The following COL18A1 variants were observed in gnomAD, a reference collection of about 807,000 sequenced individuals.
The protein encoded by COL18A1 is collagen alpha-1(XVIII) chain.
COL18A1 carries 133 observed loss-of-function variants against 168.0 expected under a neutral mutation model. That is an observed-to-expected ratio of 0.79 (90% CI 0.69 to 0.91). The LOEUF (loss-of-function observed/expected upper bound fraction) is 0.91, where lower values mean the gene tolerates loss of function less well. Among genes scored for constraint, COL18A1 ranks in the 40% least tolerant of loss-of-function variants. The pLI, the probability that COL18A1 is intolerant of heterozygous loss-of-function variation, is 0.00. For missense variants in COL18A1, 2,126 were observed against 1,925.4 expected, an observed-to-expected ratio of 1.10 and a Z score of -1.95; for synonymous variants, 949 against 809.0, an observed-to-expected ratio of 1.17 and a Z score of -2.94.
chr21:45,405,365 C>T lies in COL18A1; in HGVS notation c.12-14C>T. 2 of 1,085,402 alleles carry T rather than the reference C, an allele frequency of 1.8e-6. No individual in the cohort carries two copies. Among genetic ancestry groups the T allele is most frequent in the Non-Finnish European group, 2.2e-6 (2 of 907,094 alleles). 67.2% of individuals were successfully genotyped at this position (1,085,402 alleles called of 1,614,324 possible). On this transcript the variant is annotated splice_polypyrimidine_tract_variant and intron_variant, in intron 1 of 41. Transcript: ENST00000651438. ...GGGGTCCTGCGGGGTCTGACCCGTG[C>T]CTGTCCCGCGCAGGTGCCCCTGGCC...
At chr21:45,445,857 C>G (rs1426104453) in intron 2 of COL18A1, among the ~76,000 whole-genome samples, 2 of 152,208 alleles carry the variant, frequency 1.3e-5, no homozygotes, top group Non-Finnish European at 2.9e-5. Context: ...TGCTTCCTCA[C>G]ATATATGATT....
In COL18A1 at chr21:45,480,051, G is replaced by T; in HGVS notation, c.1312-19G>T. The T allele has an allele frequency of 6.2e-7, 1 of 1,611,666 alleles. No individual in the cohort carries two copies. ...TGTGTGCGTGCCCAGGGTATGATAG[G>T]CTTGTCTTGTGTTCCCAGGGAGACC... On this transcript the variant is annotated intron_variant, in intron 10 of 41. Transcript: ENST00000651438.
chr21:45,437,859 C>G (rs1273984172), intron 2 of COL18A1, among the ~76,000 whole-genome samples: 2 of 70,138 alleles, frequency 2.9e-5, no homozygotes, highest in Non-Finnish European at 4.9e-5. Context: ...CACACTCACA[C>G]TCACACTCAG....
Position 45,468,338 on chromosome 21 carries a change from A to G in COL18A1, c.203A>G (p.Tyr68Cys). ...GATGACCCCGACGTCGGGCTGGCCT[A>G]CGTCTTTGGGCCAGATGCCAACAGT... is the stretch of plus-strand genomic sequence containing the variant. ...QTDDPDVGLA[Y>C]VFGPDANSGQ... is the part of the protein sequence containing the mutation. Residue 68 changes from tyrosine (Y) to cysteine (C), a missense_variant, in exon 3 of 42, where the codon TAC becomes TGC. Transcript: ENST00000651438. 6.2e-7 allele frequency: 1 copy of G among 1,613,588 alleles called. No individual in the cohort carries two copies. Among genetic ancestry groups the G allele is most frequent in the Non-Finnish European group, 8.5e-7 (1 of 1,180,030 alleles).
In COL18A1 at chr21:45,490,816, T is replaced by C. The variant is rs140997878; in HGVS notation, c.2032-20T>C. ...TCCTGTTTCTGTTGGTGATGAACCA[T>C]TTCCTTCCTGTCTCTCCAGGGGCCA... On this transcript the variant is annotated intron_variant, in intron 20 of 41. Coordinates refer to ENST00000651438, the MANE Select transcript of COL18A1 (RefSeq NM_001379500.1). 941 of 1,549,754 alleles carry C rather than the reference T, an allele frequency of 6.1e-4. 3 individuals carry two copies. Among genetic ancestry groups the C allele is most frequent in the Non-Finnish European group, 7.5e-4 (863 of 1,146,518 alleles).
rs773887057 is a variant in COL18A1, at chr21:45,490,437, C to CGTGGGT, written c.2031+91_2031+92insGTGGGT. 0.081 allele frequency: 91,914 copies of CGTGGGT among 1,140,550 alleles called. 10,062 individuals are homozygous for CGTGGGT. The highest frequency in any genetic ancestry group is 0.12 in the Admixed American group (6,012 of 48,512). The allele number at this position is 1,140,550 out of a possible 1,614,324, so 70.7% of individuals were successfully genotyped here. A position where few individuals can be genotyped will look rare whatever the true frequency, so the allele number is the denominator to read the frequency against. On this transcript the variant is annotated intron_variant, in intron 20 of 41. Transcript: ENST00000651438. ...TGAAAGCTGGCACGAGATGTGCCCT[C>CGTGGGT]CCGGGTCCCTGGGTCTCCATGTGCC...
intron 2 of COL18A1, among the ~76,000 whole-genome samples, chr21:45,409,219 C>T (rs2033215248): frequency 6.6e-6 from 1 of 152,184 alleles, no homozygotes; most frequent in Admixed American, 6.5e-5. Flanking sequence ...CCAGGCCCAA[C>T]CCCACAGCGA....
chr21:45,418,565 CG>C (rs2033516334), intron 2 of COL18A1, among the ~76,000 whole-genome samples: 1 of 152,080 alleles, frequency 6.6e-6, no homozygotes, highest in Non-Finnish European at 1.5e-5. Context: ...TGCTGAGCCT[CG>C]GGGTGCTCAC....
chr21:45,504,239 G>A (rs1015988531), intron 33 of COL18A1, 177 bp from the exon 34 acceptor site: 10 of 896,546 alleles, frequency 1.1e-5, no homozygotes, highest in African/African-American at 1.7e-5. Context: ...CAGTTTTTGG[G>A]GGACTCGGCT....
chr21:45,505,285 C>T lies in COL18A1; in HGVS notation c.3013+7C>T, dbSNP rs1568942627. The stretch of plus-strand genomic sequence containing the variant: ...CCTGGCCCTCACAGGCAGAGTAAGT[C>T]AGTGGGGAGTGGGCCCCGGGCAGAG... On this transcript the variant is annotated splice_region_variant and intron_variant, in intron 35 of 41. Transcript: ENST00000651438. 1 of 1,607,982 alleles carries T rather than the reference C, an allele frequency of 6.2e-7. No individual in the cohort carries two copies. The highest frequency in any genetic ancestry group is 8.5e-7 in the Non-Finnish European group (1 of 1,176,202).
intron 2 of COL18A1, chr21:45,420,482 GC>G (rs1569278076): frequency 6.6e-6 from 1 of 152,246 alleles, no homozygotes; most frequent in Non-Finnish European, 1.5e-5. Flanking sequence ...GTAGTGGGCT[GC>G]CCTCTCCCTC....
At chr21:45,419,331 A>G (rs563369914) in intron 2 of COL18A1, among the ~76,000 whole-genome samples, 2 of 151,228 alleles carry the variant, frequency 1.3e-5, no homozygotes, top group African/African-American at 2.4e-5. Flanking sequence ...GTGTAGTTAC[A>G]TGATGCTGTG....
intron 2 of COL18A1, among the ~76,000 whole-genome samples, chr21:45,429,457 C>T (rs2033896307): frequency 6.6e-6 from 1 of 152,202 alleles, no homozygotes; most frequent in Admixed American, 6.5e-5. Flanking sequence ...CGTTGATTGG[C>T]AGTGCCCGCC....
In COL18A1 at chr21:45,497,063, C is replaced by G; in HGVS notation, c.2591C>G (p.Ser864Cys). The G allele has an allele frequency of 6.2e-7, 1 of 1,603,612 alleles. No individual in the cohort carries two copies. The highest frequency in any genetic ancestry group is 1.7e-5 in the Admixed American group (1 of 60,010). ...PVYDSNVFAE[S>C]SRPGPPGLPG... The stretch of plus-strand genomic sequence containing the variant: ...CGTTCCTTGCAGGTGTTTGCTGAGT[C>G]CAGCCGCCCCGGGCCTCCAGGATTG... Residue 864 changes from serine (S) to cysteine (C), a missense_variant, in exon 31 of 42, where the codon TCC (serine) becomes TGC (cysteine). Physicochemically the swap from Ser to Cys is moderately radical, Grantham distance 112. Transcript: ENST00000651438.
Position 45,471,257 on chromosome 21 carries a change from G to A in COL18A1, c.651+2471G>A, listed in dbSNP as rs971036270. 2.0e-5 allele frequency among the ~76,000 whole-genome samples: 3 copies of A among 152,210 alleles called. No homozygotes were observed. Among genetic ancestry groups the A allele is most frequent in the East Asian group, 3.9e-4 (2 of 5,190 alleles). On this transcript the variant is annotated intron_variant, in intron 3 of 41. Transcript: ENST00000651438. This position sits in a 1 kb window ranked among gnomAD's most constrained non-coding sequence, Gnocchi z 4.4. ...TGTCAGGTCCCTGCAGGCCTCAGGT[G>A]TCAGGAACTTTCTCTTTGGGTCTTA...
chr21:45,501,197 A>G (rs1051899430), intron 32 of COL18A1, among the ~76,000 whole-genome samples: 1 of 152,012 alleles, frequency 6.6e-6, no homozygotes, highest in African/African-American at 2.4e-5. Flanking sequence ...CAAGTCTACC[A>G]GAGAAATTGA....
intron 2 of COL18A1, among the ~76,000 whole-genome samples, chr21:45,429,462 C>A (rs2033896352): frequency 6.6e-6 from 1 of 152,188 alleles, no homozygotes; most frequent in Admixed American, 6.5e-5. Flanking sequence ...ATTGGCAGTG[C>A]CCGCCCATTC....
At chr21:45,438,016 A>T (rs1301462505) in intron 2 of COL18A1, among the ~76,000 whole-genome samples, 1 of 76,634 alleles carries the variant, frequency 1.3e-5, no homozygotes, top group African/African-American at 7.1e-5. Context: ...GCACACACAC[A>T]CTCACTCACA....
At chr21:45,503,984 G>A (rs754603891) in intron 32 of COL18A1, 27 bp from the exon 33 acceptor site, 68 of 1,613,020 alleles carry the variant, frequency 4.2e-5, no homozygotes, top group South Asian at 7.7e-5. Context: ...CCACCTCAGC[G>A]AGACCCCGCC....
Sources: allele counts gnomAD v4.1 joint callset (sites outside exome capture counted in the v4.1 genomes callset), GRCh38; gene constraint gnomAD v4.1.1; non-coding constraint Gnocchi (gnomAD v3.1); transcripts MANE v1.5; gene names NCBI Gene and HGNC (gene_info 2026-07-23, HGNC 2026-07-21).